The following CDK6 variants were observed in gnomAD, a reference collection of about 807,000 sequenced individuals.
The protein encoded by CDK6 is cyclin-dependent kinase 6.
In CDK6, 6 loss-of-function variants were observed where a neutral mutation model predicts 37.1. That is an observed-to-expected ratio of 0.16 (90% CI 0.09 to 0.32). CDK6 has a LOEUF of 0.32. CDK6 is among the 10% of genes least tolerant of loss of function. The probability of loss-of-function intolerance (pLI) is 1.00; values close to 1 mark genes in which losing one functional copy is unlikely to be tolerated. For synonymous variants in CDK6, 160 were observed against 161.3 expected, an observed-to-expected ratio of 0.99 and a Z score of 0.06; for missense variants, 224 against 418.9, an observed-to-expected ratio of 0.53 and a Z score of 4.06.
chr7:92,759,682 C>G, intron 3 of CDK6, among the ~76,000 whole-genome samples: 1 of 57,242 alleles, frequency 1.7e-5, no homozygotes, highest in Non-Finnish European at 3.2e-5. Flanking sequence ...TAGGATGGAA[C>G]AACAGACTTT....
intron 4 of CDK6, among the ~76,000 whole-genome samples, chr7:92,694,600 A>AT (rs1221584114): frequency 1.3e-5 from 2 of 152,240 alleles, no homozygotes; most frequent in Non-Finnish European, 2.9e-5. Flanking sequence ...GCAAAGCCAC[A>AT]TATCACTTAT....
chr7:92,820,388 T>C (rs1801143144), intron 2 of CDK6, among the ~76,000 whole-genome samples: 2 of 152,144 alleles, frequency 1.3e-5, no homozygotes, highest in Admixed American at 6.6e-5. Flanking sequence ...GTCAGAAGAA[T>C]GTAAGCACTG....
intron 3 of CDK6, among the ~76,000 whole-genome samples, chr7:92,736,213 G>T (rs1259218777): frequency 6.6e-6 from 1 of 151,826 alleles, no homozygotes; most frequent in African/African-American, 2.4e-5. Flanking sequence ...GTGTATTATG[G>T]TTATATATAT....
chr7:92,614,135 C>T lies in CDK6; in HGVS notation c.*1005G>A. 8.6e-6 allele frequency: 2 copies of T among 232,950 alleles called. No individual in the cohort carries two copies. The highest frequency in any genetic ancestry group is 1.7e-5 in the Non-Finnish European group (2 of 117,954). The allele number at this position is 232,950 out of a possible 1,614,324, so 14.4% of individuals were successfully genotyped here. ...AGTTAGAGAGAACTACTCTCCAAACCAAAACAGGAAAGAGTTTCTGACAAA... is the reference window on the plus strand; with the variant it reads ...AGTTAGAGAGAACTACTCTCCAAACTAAAACAGGAAAGAGTTTCTGACAAA... On this transcript the variant is annotated 3_prime_UTR_variant, in exon 8 of 8. Transcript: ENST00000424848.
intron 4 of CDK6, among the ~76,000 whole-genome samples, chr7:92,706,200 T>A (rs1025036273): frequency 5.3e-5 from 8 of 152,364 alleles, no homozygotes; most frequent in Admixed American, 6.5e-5. Flanking sequence ...GAGGAAGTGA[T>A]CGGTGGAATA....
chr7:92,691,994 G>A (rs1273390529), intron 4 of CDK6, among the ~76,000 whole-genome samples: 1 of 152,180 alleles, frequency 6.6e-6, no homozygotes, highest in Admixed American at 6.5e-5. Context: ...TAGGCTGGGC[G>A]CGGTGGCTCA....
intron 3 of CDK6, among the ~76,000 whole-genome samples, chr7:92,762,661 G>A (rs373016726): frequency 2.0e-5 from 3 of 150,718 alleles, no homozygotes; most frequent in South Asian, 4.2e-4. Flanking sequence ...TCTGCCTCCC[G>A]GATTCAAGCA....
chr7:92,618,305 T>A, intron 6 of CDK6, 98 bp from the exon 7 acceptor site: 1 of 1,241,114 alleles, frequency 8.1e-7, no homozygotes, highest in Non-Finnish European at 1.1e-6. Flanking sequence ...GGGGGAGACA[T>A]GGGGGGCAGA....
intron 5 of CDK6, among the ~76,000 whole-genome samples, chr7:92,643,995 GA>G (rs1054405554): frequency 1.3e-5 from 2 of 152,196 alleles, no homozygotes; most frequent in African/African-American, 4.8e-5. Flanking sequence ...GGGACCTAAG[GA>G]AACCAGGCCA....
At chr7:92,626,430 T>C (rs1018519866) in intron 5 of CDK6, among the ~76,000 whole-genome samples, 10 of 152,072 alleles carry the variant, frequency 6.6e-5, no homozygotes, top group African/African-American at 2.4e-4. Flanking sequence ...TTCATCTTAA[T>C]AGAATGTTAG....
In CDK6 at chr7:92,626,823, A is replaced by G. The variant is rs375488252; in HGVS notation, c.648-3737T>C. 2.0e-5 allele frequency among the ~76,000 whole-genome samples: 3 copies of G among 152,192 alleles called. No homozygotes were observed. The East Asian group carries it at 5.8e-4, about 29-fold the overall frequency. On this transcript the variant is annotated intron_variant, in intron 5 of 7. Transcript: ENST00000424848. ...AGTAAAGTCTGGCAGAATGAGATAG[A>G]TGGAGGTGGTGGGGAGAGGAGATTA...
intron 3 of CDK6, among the ~76,000 whole-genome samples, chr7:92,745,870 T>C (rs1043952509): frequency 1.3e-5 from 2 of 152,206 alleles, no homozygotes; most frequent in Non-Finnish European, 2.9e-5. Context: ...CTAAGCACTA[T>C]TTTTATTTGC....
intron 4 of CDK6, among the ~76,000 whole-genome samples, chr7:92,675,028 T>C (rs984138337): frequency 6.6e-6 from 1 of 152,134 alleles, no homozygotes; most frequent in African/African-American, 2.4e-5. Context: ...GAGATAGGGT[T>C]TCACCATGTT....
chr7:92,699,583 T>C (rs111498401), intron 4 of CDK6, among the ~76,000 whole-genome samples: 74 of 152,368 alleles, frequency 4.9e-4, no homozygotes, highest in African/African-American at 1.7e-3. Flanking sequence ...TCACATATTC[T>C]TAGTAGCACT....
chr7:92,718,914 T>G (rs970742925), intron 4 of CDK6, among the ~76,000 whole-genome samples: 2 of 152,188 alleles, frequency 1.3e-5, no homozygotes, highest in African/African-American at 4.8e-5. Flanking sequence ...TTCACCATCA[T>G]CCCTCAGCTT....
At position 92,617,877 on chromosome 7, in the gene CDK6, A is replaced by G. The variant is rs140530055; in HGVS notation, c.834+195T>C. On this transcript the variant is annotated intron_variant, in intron 7 of 7. Coordinates refer to ENST00000424848, the MANE Select transcript of CDK6 (RefSeq NM_001145306.2). ...AAAATGTGGATCAGAAAGACATTCCAGAATCAAAAGCCACCAGCTGCTACA... is the reference window on the plus strand; with the variant it reads ...AAAATGTGGATCAGAAAGACATTCCGGAATCAAAAGCCACCAGCTGCTACA... Among the ~76,000 whole-genome samples the G allele has an allele frequency of 1.6e-4, 25 of 152,348 alleles. No homozygotes were observed. The East Asian group carries it at 4.8e-3, about 29-fold the overall frequency.
intron 7 of CDK6, 21 bp downstream of exon 7, chr7:92,618,051 C>A (rs2116483660): frequency 6.2e-7 from 1 of 1,612,760 alleles, no homozygotes; most frequent in Non-Finnish European, 8.5e-7. Flanking sequence ...TGCAGACGAG[C>A]TTGACATCAG....
At chr7:92,704,646 T>C (rs1797928488) in intron 4 of CDK6, among the ~76,000 whole-genome samples, 1 of 152,250 alleles carries the variant, frequency 6.6e-6, no homozygotes, top group African/African-American at 2.4e-5. Context: ...ATCCATGTTA[T>C]TGCCTGTAGC....
At chr7:92,743,918 C>T (rs533787577) in intron 3 of CDK6, among the ~76,000 whole-genome samples, 3 of 152,106 alleles carry the variant, frequency 2.0e-5, no homozygotes, top group Non-Finnish European at 2.9e-5. Context: ...ATAAGGAAGA[C>T]TGGAATGTTC....
Sources: allele counts gnomAD v4.1 joint callset (sites outside exome capture counted in the v4.1 genomes callset), GRCh38; gene constraint gnomAD v4.1.1; transcripts MANE v1.5; gene names NCBI Gene and HGNC (gene_info 2026-07-23, HGNC 2026-07-21).